The following PLD1 variants were observed in gnomAD, a reference collection of about 807,000 sequenced individuals.
PLD1 encodes choline phosphatase 1.
A neutral mutation model predicts 137.1 loss-of-function variants in PLD1; 112 were observed. That is an observed-to-expected ratio of 0.82 (90% CI 0.70 to 0.96). The LOEUF (loss-of-function observed/expected upper bound fraction) is 0.96. Ranked by LOEUF, PLD1 falls within the 40% of genes least tolerant of loss-of-function variation. PLD1 has a pLI of 0.00. For synonymous variants in PLD1, 431 were observed against 454.7 expected (o/e 0.95, Z 0.66); for missense variants, 1,321 against 1,342.0 (o/e 0.98, Z 0.24).
chr3:171,771,357 G>C (rs1199750310), intron 1 of PLD1: 2 of 152,274 alleles, frequency 1.3e-5, no homozygotes, highest in African/African-American at 2.4e-5. Flanking sequence ...CCCAGTTTTG[G>C]CTGACTCCCT....
At chr3:171,775,382 T>A (rs955409818) in intron 1 of PLD1, among the ~76,000 whole-genome samples, 7 of 152,216 alleles carry the variant, frequency 4.6e-5, no homozygotes, top group African/African-American at 1.7e-4. Flanking sequence ...CTTCTTTGCA[T>A]ATTGATAACT....
intron 1 of PLD1, among the ~76,000 whole-genome samples, chr3:171,773,810 GCT>G: frequency 6.6e-6 from 1 of 151,882 alleles, no homozygotes; most frequent in South Asian, 2.1e-4. Flanking sequence ...CTGCAGTGGC[GCT>G]GTCTCGGCTC....
intron 1 of PLD1, among the ~76,000 whole-genome samples, chr3:171,740,199 G>A (rs2108270180): frequency 6.6e-6 from 1 of 152,256 alleles, no homozygotes; most frequent in Admixed American, 6.5e-5. Context: ...AGATTAATCA[G>A]AGTAGTTTTG....
chr3:171,806,640 G>A (rs1723858970), intron 1 of PLD1, among the ~76,000 whole-genome samples: 1 of 152,186 alleles, frequency 6.6e-6, no homozygotes, highest in African/African-American at 2.4e-5. Context: ...TATCTTATGT[G>A]TTGGGTCCCC....
chr3:171,617,250 C>T (rs1307660407), intron 24 of PLD1, among the ~76,000 whole-genome samples: 1 of 152,220 alleles, frequency 6.6e-6, no homozygotes, highest in African/African-American at 2.4e-5. Context: ...ATATCCCCCT[C>T]TTTACTGGGG....
intron 1 of PLD1, among the ~76,000 whole-genome samples, chr3:171,763,363 C>A (rs983169817): frequency 1.3e-5 from 2 of 149,842 alleles, no homozygotes; most frequent in African/African-American, 4.9e-5. Context: ...GTCAAGGCTG[C>A]GGTGAAGTTT....
chr3:171,739,949 C>T (rs1209830421), intron 1 of PLD1, among the ~76,000 whole-genome samples: 1 of 152,106 alleles, frequency 6.6e-6, no homozygotes, highest in African/African-American at 2.4e-5. Context: ...TGGGGCAAGT[C>T]CATGTAAGAG....
chr3:171,795,197 T>G (rs1222441349), intron 1 of PLD1, among the ~76,000 whole-genome samples: 1 of 152,208 alleles, frequency 6.6e-6, no homozygotes, highest in Admixed American at 6.5e-5. Context: ...TTCACACAAG[T>G]GCAAACTGAC....
intron 13 of PLD1, among the ~76,000 whole-genome samples, chr3:171,690,044 G>C (rs889677107): frequency 6.6e-6 from 1 of 152,102 alleles, no homozygotes; most frequent in Non-Finnish European, 1.5e-5. Flanking sequence ...TTTAATTACT[G>C]ATCAATCTCC....
At chr3:171,657,372 G>A (rs1454903) in intron 21 of PLD1, among the ~76,000 whole-genome samples, 76,768 of 151,930 alleles carry the variant, frequency 0.51, 20,451 homozygotes, top group African/African-American at 0.68. Flanking sequence ...GAAGTAAAAA[G>A]TGTTTTAATT....
chr3:171,792,394 G>A (rs778695030), intron 1 of PLD1: 6 of 358,800 alleles, frequency 1.7e-5, no homozygotes. Context: ...AGTGGGGGCT[G>A]GGTGGCCCCA....
chr3:171,747,359 G>C (rs976319538), intron 1 of PLD1, among the ~76,000 whole-genome samples: 3 of 152,130 alleles, frequency 2.0e-5, no homozygotes, highest in South Asian at 2.1e-4. Context: ...CAAAACAGTC[G>C]ATCTGGATGA....
At chr3:171,698,674 T>C (rs1390896949) in intron 12 of PLD1, among the ~76,000 whole-genome samples, 2 of 152,118 alleles carry the variant, frequency 1.3e-5, no homozygotes, top group African/African-American at 4.8e-5. Flanking sequence ...TAAAAAAAGG[T>C]TGGCCGGGAG....
chr3:171,758,302 G>A (rs985466191), intron 1 of PLD1, among the ~76,000 whole-genome samples: 7 of 152,252 alleles, frequency 4.6e-5, no homozygotes, highest in East Asian at 1.9e-4. Context: ...AAAGATGACC[G>A]CAGGGCCCAA....
At position 171,612,732 on chromosome 3, in the gene PLD1, A is replaced by C. The variant is rs146643549; in HGVS notation, c.2729-300T>G. Among the ~76,000 whole-genome samples, 892 of 152,306 alleles carry C rather than the reference A, an allele frequency of 5.9e-3. 5 individuals are homozygous for C. Among genetic ancestry groups the C allele is most frequent in the African/African-American group, 0.021 (858 of 41,562 alleles). On this transcript the variant is annotated intron_variant, in intron 24 of 26. Transcript: ENST00000351298. The surrounding 1 kb of genome is among the most constrained non-coding windows in gnomAD (Gnocchi z 4.1). ...CTGAGAAAGAGTTTCCCCTTTGTAT[A>C]AACACACAAAAAATGGATTCTGTCT...
At chr3:171,700,988 G>A (rs1255345850) in intron 11 of PLD1, among the ~76,000 whole-genome samples, 1 of 152,238 alleles carries the variant, frequency 6.6e-6, no homozygotes, top group African/African-American at 2.4e-5. Context: ...GGTAGACTAT[G>A]TCAGGATGAA....
chr3:171,804,952 T>C (rs1022373922), intron 1 of PLD1, among the ~76,000 whole-genome samples: 1 of 152,226 alleles, frequency 6.6e-6, no homozygotes, highest in East Asian at 1.9e-4. Flanking sequence ...CCTCCCTTTC[T>C]ACGGCTTTCC....
intron 21 of PLD1, among the ~76,000 whole-genome samples, chr3:171,657,859 A>T (rs1299300846): frequency 6.6e-6 from 1 of 152,188 alleles, no homozygotes; most frequent in Non-Finnish European, 1.5e-5. Context: ...GACACCAGCA[A>T]GAAAGTAAAA....
intron 1 of PLD1, chr3:171,792,639 T>C (rs1410765753): frequency 4.4e-6 from 2 of 456,634 alleles, no homozygotes; most frequent in East Asian, 6.9e-5. Flanking sequence ...GTGGAGAGGA[T>C]TGTCTTTCCC....
Sources: gnomAD v4.1 joint callset for allele counts (sites outside exome capture counted in the v4.1 genomes callset) on GRCh38, gnomAD v4.1.1 for gene constraint, Gnocchi (gnomAD v3.1) non-coding constraint, MANE v1.5 for transcripts, NCBI Gene and HGNC (gene_info 2026-07-23, HGNC 2026-07-21) for gene names.